SETD1B: variants seen among roughly 807,000 people sequenced by gnomAD.
The protein encoded by SETD1B is SET domain containing 1B, histone lysine methyltransferase.
A neutral mutation model predicts 148.0 loss-of-function variants in SETD1B; 7 were observed. The ratio of observed to expected loss-of-function variants is 0.05; its 90% CI spans 0.03 to 0.09. The LOEUF (loss-of-function observed/expected upper bound fraction) is 0.09, where lower values mean the gene tolerates loss of function less well. Among genes scored for constraint, SETD1B ranks in the 10% least tolerant of loss-of-function variants. SETD1B has a pLI of 1.00. For synonymous variants in SETD1B, 1,361 were observed against 1,186.5 expected (o/e 1.15, Z -3.02); for missense variants, 2,155 against 2,729.9 (o/e 0.79, Z 4.69).
At chr12:121,825,530 G>A (rs1202004617) in intron 13 of SETD1B, among the ~76,000 whole-genome samples, 164 bp downstream of exon 13, 2 of 152,188 alleles carry the variant, frequency 1.3e-5, no homozygotes, top group African/African-American at 4.8e-5. Flanking sequence ...CGGGGCCTAG[G>A]AGAAGGAAGG....
chr12:121,827,242 A>AG (rs1566560997), intron 13 of SETD1B, among the ~76,000 whole-genome samples: 1 of 152,028 alleles, frequency 6.6e-6, no homozygotes, highest in African/African-American at 2.4e-5. Flanking sequence ...AGAGCCAAGG[A>AG]GGGGGTCAGG....
At position 121,823,091 on chromosome 12, in the gene SETD1B, G is replaced by GGC; in HGVS notation, c.4512_4513insGC (p.Pro1505AlafsTer12). On this transcript the variant is annotated frameshift_variant, in exon 12 of 17. Transcript: ENST00000604567. LOFTEE classifies it high-confidence loss of function. ...CGCCCACCCCGCTGCCACCCCTGCT[G>GGC]CCCGCCCCCCTGGCCTCTTGCCCTC... is the stretch of plus-strand genomic sequence containing the variant. 7.5e-7 allele frequency: 1 copy of GGC among 1,327,298 alleles called. No homozygotes were observed. The highest frequency in any genetic ancestry group is 3.5e-5 in the Admixed American group (1 of 28,622). 82.2% of individuals were successfully genotyped at this position (1,327,298 alleles called of 1,614,324 possible). A position where few individuals can be genotyped will look rare whatever the true frequency, so the allele number is the denominator to read the frequency against.
rs566266667 is a variant in SETD1B at position 121,818,629 on chromosome 12, G to A, written c.3418+725G>A. On this transcript the variant is annotated intron_variant, in intron 10 of 16. Transcript: ENST00000604567. ...TTTTTGGCTGGGCGCAGTGGCTCAC[G>A]CCTGTAATCCCAGCACTTTGGGAGG... 3.6e-4 allele frequency among the ~76,000 whole-genome samples: 55 copies of A among 150,846 alleles called. 1 individual carries two copies. The highest frequency in any genetic ancestry group is 1.1e-3 in the African/African-American group (44 of 41,008).
Position 121,817,077 on chromosome 12 carries a change from C to G in SETD1B, c.2760C>G (p.Asp920Glu), listed in dbSNP as rs375276520. The change falls in exon 8 of 17, where the codon GAC becomes GAG. Residue 920 changes from aspartate to glutamate, a missense_variant. Coordinates refer to ENST00000604567, the MANE Select transcript of SETD1B (RefSeq NM_001353345.2). The surrounding 1 kb of genome is among the most constrained non-coding windows in gnomAD (Gnocchi z 8.1). ...PVKSGEHKDE[D>E]RPKPKDRIAS... ...AGTCGGGCGAGCACAAGGACGAGGA[C>G]AGGCCGAAGCCCAAGGACCGCATCG... 3.8e-4 allele frequency: 582 copies of G among 1,546,280 alleles called. No individual in the cohort carries two copies. The highest frequency in any genetic ancestry group is 4.8e-4 in the Non-Finnish European group (549 of 1,144,390).
chr12:121,796,699 G>A, the SETD1B span, among the ~76,000 whole-genome samples: 1 of 152,224 alleles, frequency 6.6e-6, no homozygotes, highest in African/African-American at 2.4e-5. Flanking sequence ...GCCACTCCTT[G>A]AGTGCTAAAA....
chr12:121,793,422 A>G, the SETD1B span: 219 of 1,516,906 alleles, frequency 1.4e-4, no homozygotes, highest in Non-Finnish European at 1.8e-4. Context: ...GACGCTGGGG[A>G]CTGAGGGTCG....
intron 16 of SETD1B, among the ~76,000 whole-genome samples, 187 bp from the exon 17 acceptor site, chr12:121,829,879 A>G (rs1877010831): frequency 1.3e-5 from 2 of 152,112 alleles, no homozygotes. Flanking sequence ...TATCATCATT[A>G]TTTAATATCA....
chr12:121,824,657 A>C (rs2596133), intron 12 of SETD1B, among the ~76,000 whole-genome samples: 145,136 of 151,012 alleles, frequency 0.96, 69,972 homozygotes, highest in South Asian at 1. Context: ...AAAAAAAAAA[A>C]AAAACTCTGC....
intron 11 of SETD1B, among the ~76,000 whole-genome samples, chr12:121,822,172 G>T (rs943571880): frequency 6.6e-6 from 1 of 152,238 alleles, no homozygotes; most frequent in Non-Finnish European, 1.5e-5. Flanking sequence ...CTGCAGAAAA[G>T]AGACTTGTTG....
chr12:121,797,977 A>C, the SETD1B span: 1 of 232,394 alleles, frequency 4.3e-6, no homozygotes, highest in East Asian at 1.4e-4. Context: ...CGGGGATTGA[A>C]GACCCAGCCC....
At chr12:121,809,550 C>T in intron 5 of SETD1B, 53 bp from the exon 6 acceptor site, 3 of 1,486,022 alleles carry the variant, frequency 2.0e-6, no homozygotes, top group Non-Finnish European at 2.7e-6. Flanking sequence ...GAAAATAGCC[C>T]TGTTCCATTG....
In SETD1B at chr12:121,808,105, C is replaced by T. The variant is rs1047460939; in HGVS notation, c.545-103C>T. On this transcript the variant is annotated intron_variant, in intron 4 of 16. Coordinates refer to ENST00000604567, the MANE Select transcript of SETD1B (RefSeq NM_001353345.2). The surrounding 1 kb of genome is among the most constrained non-coding windows in gnomAD (Gnocchi z 5.3). ...CACAGCCTCCCTAGGACTGGGGTCTCGGGCACAAGGGACCCACCAGGGTGC... is the reference window on the plus strand; with the variant it reads ...CACAGCCTCCCTAGGACTGGGGTCTTGGGCACAAGGGACCCACCAGGGTGC... 8 of 824,768 alleles carry T rather than the reference C, an allele frequency of 9.7e-6. No individual in the cohort carries two copies. Among genetic ancestry groups the T allele is most frequent in the Admixed American group, 2.3e-5 (1 of 42,672 alleles). 51.1% of individuals were successfully genotyped at this position (824,768 alleles called of 1,614,324 possible). A position where few individuals can be genotyped will look rare whatever the true frequency, so the allele number is the denominator to read the frequency against.
At position 121,810,372 on chromosome 12, in the gene SETD1B, C is replaced by T; in HGVS notation, c.1427C>T (p.Pro476Leu). ...CCCACCTTCGGCTGGAGTCCTGAGC[C>T]CTGTGACAGCCCTGGCACGCCCACG... ...GRPTFGWSPE[P>L]CDSPGTPTLE... Residue 476 changes from proline (P) to leucine (L), a missense_variant, in exon 6 of 17, where the codon CCC (proline) becomes CTC (leucine). Physicochemically the swap from Pro to Leu is moderately conservative, Grantham distance 98. Coordinates refer to ENST00000604567, the MANE Select transcript of SETD1B (RefSeq NM_001353345.2). This position sits in a 1 kb window ranked among gnomAD's most constrained non-coding sequence, Gnocchi z 7.6. 1.9e-6 allele frequency: 3 copies of T among 1,548,016 alleles called. No homozygotes were observed. The highest frequency in any genetic ancestry group is 2.4e-5 in the South Asian group (2 of 84,038).
intron 13 of SETD1B, among the ~76,000 whole-genome samples, chr12:121,826,826 G>C (rs182104091): frequency 1.4e-4 from 22 of 152,150 alleles, no homozygotes; most frequent in Admixed American, 7.2e-4. Flanking sequence ...AGGGATGGGC[G>C]GGGGGTGACA....
In SETD1B at chr12:121,820,307, G is replaced by A. The variant is rs191540484; in HGVS notation, c.3910+412G>A. 1.7e-3 allele frequency among the ~76,000 whole-genome samples: 261 copies of A among 152,358 alleles called. 1 individual carries two copies. Among genetic ancestry groups the A allele is most frequent in the African/African-American group, 5.9e-3 (244 of 41,588 alleles). ...CCCCCTCCGGCATCGTGATGCTGCT[G>A]CACAGAGCATATGAGAACTCTAACT... On this transcript the variant is annotated intron_variant, in intron 11 of 16. Coordinates refer to ENST00000604567, the MANE Select transcript of SETD1B (RefSeq NM_001353345.2).
chr12:121,810,026 G>A lies in SETD1B; in HGVS notation c.1081G>A (p.Gly361Arg), dbSNP rs1436196272. 1.9e-6 allele frequency: 3 copies of A among 1,550,232 alleles called. No individual in the cohort carries two copies. In the African/African-American group the frequency reaches 4.1e-5, roughly 21 times the overall value. Residue 361 changes from glycine (G) to arginine (R), a missense_variant, in exon 6 of 17, where the codon GGG (glycine) becomes AGG (arginine). By Grantham distance (125) the Gly-to-Arg change is moderately radical (BLOSUM62 -2). This residue lies in a region of SETD1B where 376 missense variants were observed against 385.0 expected (regional missense o/e 0.98). Transcript: ENST00000604567. This position sits in a 1 kb window ranked among gnomAD's most constrained non-coding sequence, Gnocchi z 7.6. Reference protein sequence around the residue: ...DLPFGAVGGTGGSSGPPFKAQ... With the variant: ...DLPFGAVGGTRGSSGPPFKAQ... ...CCCGTTCGGAGCAGTCGGCGGCACT[G>A]GGGGCAGCAGCGGTCCCCCGTTCAA...
Position 121,831,637 on chromosome 12 carries a change from A to C in SETD1B, c.*1398A>C, listed in dbSNP as rs1210294971. 6.6e-6 allele frequency: 1 copy of C among 152,138 alleles called. No individual in the cohort carries two copies. Among genetic ancestry groups the C allele is most frequent in the Non-Finnish European group, 1.5e-5 (1 of 68,016 alleles). 9.4% of individuals were successfully genotyped at this position (152,138 alleles called of 1,614,324 possible). A position where few individuals can be genotyped will look rare whatever the true frequency, so the allele number is the denominator to read the frequency against. On this transcript the variant is annotated 3_prime_UTR_variant, in exon 17 of 17. Coordinates refer to ENST00000604567, the MANE Select transcript of SETD1B (RefSeq NM_001353345.2). ...TGTACTTCCAAAAAAAAAGGAAAAA[A>C]AAGACAAAAGCAAGTCCCCCCGTAC...
chr12:121,810,897 C>T lies in SETD1B; in HGVS notation c.1890+62C>T. On this transcript the variant is annotated intron_variant, in intron 6 of 16. Transcript: ENST00000604567. The surrounding 1 kb of genome is among the most constrained non-coding windows in gnomAD (Gnocchi z 7.6). The stretch of plus-strand genomic sequence containing the variant: ...TTGTCTATCTTGTATCTCCCTTTCC[C>T]CCTTCAAGCATTTAGCATGACTAGC... 1 of 1,440,590 alleles carries T rather than the reference C, an allele frequency of 6.9e-7. No individual in the cohort carries two copies. Among genetic ancestry groups the T allele is most frequent in the South Asian group, 1.5e-5 (1 of 67,004 alleles). The allele number at this position is 1,440,590 out of a possible 1,614,324, so 89.2% of individuals were successfully genotyped here.
chr12:121,809,622 G>A lies in SETD1B; in HGVS notation c.677G>A (p.Arg226His), dbSNP rs776606685. 28 of 1,549,780 alleles carry A rather than the reference G, an allele frequency of 1.8e-5. No homozygotes were observed. Among genetic ancestry groups the A allele is most frequent in the Non-Finnish European group, 2.1e-5 (24 of 1,145,946 alleles). Reference protein sequence around the residue: ...ETLQLSDALKRLKDGGLSAGC... With the variant: ...ETLQLSDALKHLKDGGLSAGC... Reference sequence around the variant, plus strand: ...CCTTAGCTGTCAGATGCCCTGAAGCGCCTCAAGGATGGAGGCCTGTCTGCA... The same window carrying A: ...CCTTAGCTGTCAGATGCCCTGAAGCACCTCAAGGATGGAGGCCTGTCTGCA... The change falls in exon 6 of 17, where the codon CGC becomes CAC. Residue 226 changes from arginine (R) to histidine (H), a missense_variant. Arg to His is a conservative substitution (Grantham distance 29). This residue lies in a region of SETD1B where 124 missense variants were observed against 282.9 expected (regional missense o/e 0.44). Coordinates refer to ENST00000604567, the MANE Select transcript of SETD1B (RefSeq NM_001353345.2).
Sources: gnomAD v4.1 joint callset for allele counts (sites outside exome capture counted in the v4.1 genomes callset) on GRCh38, gnomAD v4.1.1 for gene constraint, gnomAD v4.1.1 regional missense constraint, Gnocchi (gnomAD v3.1) non-coding constraint, MANE v1.5 for transcripts, NCBI Gene and HGNC (gene_info 2026-07-23, HGNC 2026-07-21) for gene names.